Variants in RORA observed in about 807,000 individuals in gnomAD.
RORA encodes RAR related orphan receptor A, also known as nuclear receptor ROR-alpha.
In RORA, 7 loss-of-function variants were observed where a neutral mutation model predicts 69.5. The observed-to-expected ratio is 0.10, with a 90% CI of 0.06 to 0.19. RORA has a LOEUF of 0.19. Ranked by LOEUF, RORA falls within the 10% of genes least tolerant of loss-of-function variation. The pLI, the probability that RORA is intolerant of heterozygous loss-of-function variation, is 1.00. For synonymous variants in RORA, 261 were observed against 240.8 expected (o/e 1.08, Z -0.78); for missense variants, 457 against 663.0 (o/e 0.69, Z 3.41).
At chr15:60,935,491 C>A (rs1348008950) in intron 1 of RORA, among the ~76,000 whole-genome samples, 1 of 152,182 alleles carries the variant, frequency 6.6e-6, no homozygotes, top group Non-Finnish European at 1.5e-5. Context: ...ATGAATATGT[C>A]TCTCCTGATT....
intron 1 of RORA, among the ~76,000 whole-genome samples, chr15:61,000,837 T>G (rs911128523): frequency 2.6e-5 from 4 of 152,166 alleles, no homozygotes; most frequent in Admixed American, 2.6e-4. Context: ...TTAGAGGACC[T>G]GGGTGGACCC....
chr15:60,718,797 AC>A (rs1270612308), intron 1 of RORA, among the ~76,000 whole-genome samples: 1 of 152,186 alleles, frequency 6.6e-6, no homozygotes, highest in Non-Finnish European at 1.5e-5. Flanking sequence ...GCACATCAAG[AC>A]CCTGTGCCTT....
chr15:60,796,834 A>C (rs1410797722), intron 1 of RORA, among the ~76,000 whole-genome samples: 1 of 152,050 alleles, frequency 6.6e-6, no homozygotes, highest in Non-Finnish European at 1.5e-5. Context: ...ACATTCATAC[A>C]AAAGAATATT....
At chr15:60,704,837 T>G (rs1277372094) in intron 1 of RORA, among the ~76,000 whole-genome samples, 1 of 152,154 alleles carries the variant, frequency 6.6e-6, no homozygotes, top group Non-Finnish European at 1.5e-5. Flanking sequence ...TGCTCCACGT[T>G]TGCACCCCTG....
In RORA at chr15:61,049,709, G is replaced by C. The variant is rs955015908; in HGVS notation, c.166+179344C>G. On this transcript the variant is annotated intron_variant, in intron 1 of 10. Coordinates refer to ENST00000335670, the MANE Select transcript of RORA (RefSeq NM_134261.3). ...GAGTCTCCCTCTGTCGCCTAGGCTGGAGTGCAATGGCATGATCTCAGCTCA... is the reference window on the plus strand; with the variant it reads ...GAGTCTCCCTCTGTCGCCTAGGCTGCAGTGCAATGGCATGATCTCAGCTCA... Among the ~76,000 whole-genome samples the C allele has an allele frequency of 1.3e-5, 2 of 151,984 alleles. 1 individual carries two copies. The highest frequency in any genetic ancestry group is 1.3e-4 in the Admixed American group (2 of 15,256).
At chr15:60,777,217 A>T (rs2072181719) in intron 1 of RORA, among the ~76,000 whole-genome samples, 1 of 152,260 alleles carries the variant, frequency 6.6e-6, no homozygotes, top group African/African-American at 2.4e-5. Context: ...AACAAAGTAT[A>T]TTCCAATTAG....
At chr15:60,557,916 C>T (rs1385379921) in intron 2 of RORA, among the ~76,000 whole-genome samples, 1 of 152,070 alleles carries the variant, frequency 6.6e-6, no homozygotes, top group African/African-American at 2.4e-5. Flanking sequence ...TAAATTATGA[C>T]CTATTTCTTT....
At chr15:61,214,525 C>T (rs1200479310) in intron 1 of RORA, among the ~76,000 whole-genome samples, 10 of 152,214 alleles carry the variant, frequency 6.6e-5, no homozygotes, top group Non-Finnish European at 1.0e-4. Flanking sequence ...AATCTCATCT[C>T]TATGGACAAG....
At chr15:60,932,553 T>C (rs1335559066) in intron 1 of RORA, among the ~76,000 whole-genome samples, 1 of 152,174 alleles carries the variant, frequency 6.6e-6, no homozygotes, top group Non-Finnish European at 1.5e-5. Context: ...GTGCAACAGC[T>C]CGAGATATGC....
At chr15:61,029,497 A>G (rs1036119406) in intron 1 of RORA, among the ~76,000 whole-genome samples, 8 of 152,216 alleles carry the variant, frequency 5.3e-5, no homozygotes, top group African/African-American at 1.9e-4. Context: ...TACATTGTGA[A>G]AAGATCATTC....
In RORA at chr15:60,563,337, T is replaced by G. The variant is rs180938190; in HGVS notation, c.197-31486A>C. Among the ~76,000 whole-genome samples, 746 of 152,304 alleles carry G rather than the reference T, an allele frequency of 4.9e-3. 5 individuals are homozygous for G. The highest frequency in any genetic ancestry group is 6.1e-3 in the Non-Finnish European group (417 of 68,024). ...AGTTTTCCACATGGAATTCCTCTTCTTGCACTTTGGCCTAAGCACGCATTT... is the reference window on the plus strand; with the variant it reads ...AGTTTTCCACATGGAATTCCTCTTCGTGCACTTTGGCCTAAGCACGCATTT... On this transcript the variant is annotated intron_variant, in intron 2 of 10. Transcript: ENST00000335670.
intron 2 of RORA, among the ~76,000 whole-genome samples, chr15:60,649,992 A>G (rs1011243125): frequency 6.6e-6 from 1 of 152,168 alleles, no homozygotes; most frequent in South Asian, 2.1e-4. Flanking sequence ...GTTTTGAGGT[A>G]TGTGCACCAA....
intron 1 of RORA, among the ~76,000 whole-genome samples, chr15:60,713,524 TA>T (rs2071173939): frequency 6.6e-6 from 1 of 152,020 alleles, no homozygotes; most frequent in Admixed American, 6.5e-5. Context: ...GATCCAAAAT[TA>T]AAAGAACATT....
Position 61,061,309 on chromosome 15 carries a change from T to C in RORA, c.166+167744A>G, listed in dbSNP as rs960321486. 6.6e-6 allele frequency among the ~76,000 whole-genome samples: 1 copy of C among 151,886 alleles called. No homozygotes were observed. The highest frequency in any genetic ancestry group is 1.5e-5 in the Non-Finnish European group (1 of 67,990). On this transcript the variant is annotated intron_variant, in intron 1 of 10. Coordinates refer to ENST00000335670, the MANE Select transcript of RORA (RefSeq NM_134261.3). This position sits in a 1 kb window ranked among gnomAD's most constrained non-coding sequence, Gnocchi z 4.4. The stretch of plus-strand genomic sequence containing the variant: ...CAGAGCTTGCAGTGAGCCGAGGTTG[T>C]GCCACTGCAGGCGTGCAGGGAGACA...
intron 2 of RORA, among the ~76,000 whole-genome samples, chr15:60,562,483 T>A (rs1056919280): frequency 6.6e-6 from 1 of 151,786 alleles, no homozygotes; most frequent in Non-Finnish European, 1.5e-5. Context: ...TCGCCCAGGC[T>A]GGAGTGCAGT....
chr15:60,620,959 TTTC>T (rs2069388353), intron 2 of RORA, among the ~76,000 whole-genome samples: 1 of 152,208 alleles, frequency 6.6e-6, no homozygotes, highest in Non-Finnish European at 1.5e-5. Context: ...CCGGGCTGCG[TTTC>T]TTATGCTCAC....
At chr15:60,888,719 C>T (rs1353540994) in intron 1 of RORA, among the ~76,000 whole-genome samples, 1 of 152,210 alleles carries the variant, frequency 6.6e-6, no homozygotes, top group Non-Finnish European at 1.5e-5. Context: ...TTCTCTTTCC[C>T]TTTAAGACAT....
chr15:61,083,703 C>A (rs985638742), intron 1 of RORA, among the ~76,000 whole-genome samples: 1 of 151,946 alleles, frequency 6.6e-6, no homozygotes, highest in East Asian at 1.9e-4. Flanking sequence ...ACACTTCCAC[C>A]CACTTCTCCA....
chr15:61,002,439 A>G (rs1264616023), intron 1 of RORA, among the ~76,000 whole-genome samples: 2 of 152,212 alleles, frequency 1.3e-5, no homozygotes, highest in African/African-American at 2.4e-5. Context: ...TAAAGTCATT[A>G]TATTAACTCG....
Sources: gnomAD v4.1 joint callset for allele counts (sites outside exome capture counted in the v4.1 genomes callset) on GRCh38, gnomAD v4.1.1 for gene constraint, Gnocchi (gnomAD v3.1) non-coding constraint, MANE v1.5 for transcripts, NCBI Gene and HGNC (gene_info 2026-07-23, HGNC 2026-07-21) for gene names.